ERBB4: variants seen among roughly 807,000 people sequenced by gnomAD.
ERBB4 encodes the protein receptor tyrosine-protein kinase erbB-4.
A neutral mutation model predicts 158.0 loss-of-function variants in ERBB4; 42 were observed. The ratio of observed to expected loss-of-function variants is 0.27; its 90% CI spans 0.21 to 0.34. The LOEUF is 0.34. Ranked by LOEUF, ERBB4 falls within the 10% of genes least tolerant of loss-of-function variation. The pLI, the probability that ERBB4 is intolerant of heterozygous loss-of-function variation, is 1.00. For missense variants in ERBB4, 1,333 were observed against 1,624.1 expected (o/e 0.82, Z 3.08); for synonymous variants, 583 against 558.7 (o/e 1.04, Z -0.61).
intron 2 of ERBB4, among the ~76,000 whole-genome samples, chr2:212,094,234 A>ATAAT: frequency 6.6e-6 from 1 of 151,166 alleles, no homozygotes; most frequent in African/African-American, 2.4e-5. Context: ...GTTTAAAAGA[A>ATAAT]CCTGGCTTTA....
At chr2:212,395,037 G>A (rs2090984399) in intron 1 of ERBB4, among the ~76,000 whole-genome samples, 1 of 152,082 alleles carries the variant, frequency 6.6e-6, no homozygotes, top group South Asian at 2.1e-4. Flanking sequence ...CAGGTTTGCT[G>A]CCAAATTTTA....
At chr2:212,286,598 T>TTTTTTTTTTGTTTTG (rs1559928442) in intron 1 of ERBB4, among the ~76,000 whole-genome samples, 1,201 of 74,384 alleles carry the variant, frequency 0.016, 137 homozygotes, top group East Asian at 0.038. Context: ...TGCTGACTTT[T>TTTTTTTTTTGTTTTG]TTTTTTTTTT....
intron 1 of ERBB4, among the ~76,000 whole-genome samples, chr2:212,371,392 C>T (rs2090080131): frequency 6.6e-6 from 1 of 152,202 alleles, no homozygotes; most frequent in Admixed American, 6.5e-5. Context: ...TTTACAATGT[C>T]AAATACATGC....
intron 2 of ERBB4, among the ~76,000 whole-genome samples, chr2:212,097,506 A>C (rs2078965415): frequency 6.6e-6 from 1 of 152,234 alleles, no homozygotes; most frequent in Non-Finnish European, 1.5e-5. Flanking sequence ...GCTAAGGCAC[A>C]GATATTCAGA....
At chr2:211,947,316 A>C in intron 3 of ERBB4, 114 bp downstream of exon 3, 1 of 842,932 alleles carries the variant, frequency 1.2e-6, no homozygotes, top group East Asian at 2.6e-5. Flanking sequence ...AATCACTGAT[A>C]TTTAAATGCC....
chr2:212,306,074 T>C (rs2086798210), intron 1 of ERBB4, among the ~76,000 whole-genome samples: 1 of 151,440 alleles, frequency 6.6e-6, no homozygotes, highest in Non-Finnish European at 1.5e-5. Flanking sequence ...CACATATACA[T>C]ATATACTGAT....
At chr2:212,530,170 G>A (rs1692674139) in intron 1 of ERBB4, among the ~76,000 whole-genome samples, 2 of 146,306 alleles carry the variant, frequency 1.4e-5, no homozygotes, top group Non-Finnish European at 3.0e-5. Flanking sequence ...CCATAAAGAG[G>A]ATCTTGCAAT....
intron 1 of ERBB4, among the ~76,000 whole-genome samples, chr2:212,174,219 C>T (rs1009162512): frequency 6.6e-6 from 1 of 151,930 alleles, no homozygotes; most frequent in African/African-American, 2.4e-5. Context: ...GATTTTCATA[C>T]TCTCTACATT....
intron 15 of ERBB4, chr2:211,658,036 T>A: frequency 6.9e-7 from 1 of 1,449,560 alleles, no homozygotes; most frequent in East Asian, 2.4e-5. Context: ...GGGGAAAAAA[T>A]TAGTCATTTA....
intron 1 of ERBB4, among the ~76,000 whole-genome samples, chr2:212,140,023 T>C (rs2125602234): frequency 6.6e-6 from 1 of 151,996 alleles, no homozygotes; most frequent in Non-Finnish European, 1.5e-5. Flanking sequence ...AATGTTCATT[T>C]CTTTTCAGAT....
At chr2:212,268,069 C>T (rs1015317852) in intron 1 of ERBB4, among the ~76,000 whole-genome samples, 6 of 151,816 alleles carry the variant, frequency 4.0e-5, no homozygotes, top group African/African-American at 1.4e-4. Context: ...ATGCCTGATG[C>T]AATTTCTAGT....
At chr2:211,952,613 T>C (rs2080903798) in intron 2 of ERBB4, among the ~76,000 whole-genome samples, 1 of 152,122 alleles carries the variant, frequency 6.6e-6, no homozygotes, top group Non-Finnish European at 1.5e-5. Context: ...TGTGGGCTTG[T>C]CTGCCAGGCA....
rs780484276 is a variant in ERBB4, at chr2:211,662,082, A to AG, written c.1871+3240dup. Among the ~76,000 whole-genome samples the AG allele has an allele frequency of 3.3e-3, 407 of 125,064 alleles. 31 individuals carry two copies. The highest frequency in any genetic ancestry group is 5.4e-3 in the Non-Finnish European group (319 of 59,022). The allele number at this position is 125,064 out of a possible 152,430, so 82.0% of individuals were successfully genotyped here. On this transcript the variant is annotated intron_variant, in intron 15 of 27. Coordinates refer to ENST00000342788, the MANE Select transcript of ERBB4 (RefSeq NM_005235.3). Reference sequence around the variant, plus strand: ...AAAAAAAAAAAAAAAAAAAAAAAAAAGATTAAGGTACATGTGACATTTAAT... The same window carrying AG: ...AAAAAAAAAAAAAAAAAAAAAAAAAAGGATTAAGGTACATGTGACATTTAAT...
chr2:212,085,050 A>G (rs1336161459), intron 2 of ERBB4, among the ~76,000 whole-genome samples: 3 of 151,928 alleles, frequency 2.0e-5, no homozygotes, highest in African/African-American at 7.2e-5. Flanking sequence ...CATATAGTGA[A>G]TACAAAATAA....
At position 211,665,368 on chromosome 2, in the gene ERBB4, T is replaced by C. The variant is rs199647352; in HGVS notation, c.1826A>G (p.Asp609Gly). The C allele has an allele frequency of 8.1e-6, 13 of 1,614,068 alleles. No homozygotes were observed. The highest frequency in any genetic ancestry group is 1.1e-5 in the Non-Finnish European group (13 of 1,180,028). ...GCATGGGTGGCACTCCCGATCTGGA[T>C]CAGCATACTTGAAAATGAAACTGTT... is the stretch of plus-strand genomic sequence containing the variant. The part of the protein sequence containing the change: ...GANSFIFKYA[D>G]PDRECHPCHP... The change falls in exon 15 of 28, where the codon GAT becomes GGT. Residue 609 changes from aspartate to glycine, a missense_variant. Asp to Gly is a moderately conservative substitution (Grantham distance 94). Around this residue, in one of 5 missense-constraint regions of ERBB4, gnomAD observed 245 missense variants for 247.5 expected, o/e 0.99. Transcript: ENST00000342788.
intron 1 of ERBB4, among the ~76,000 whole-genome samples, chr2:212,231,683 G>T (rs1017812153): frequency 6.6e-6 from 1 of 152,152 alleles, no homozygotes; most frequent in African/African-American, 2.4e-5. Flanking sequence ...AATTAGGATA[G>T]ATAAGACCCA....
intron 19 of ERBB4, among the ~76,000 whole-genome samples, chr2:211,598,704 T>G (rs1473876888): frequency 6.6e-6 from 1 of 152,362 alleles, no homozygotes; most frequent in Non-Finnish European, 1.5e-5. Context: ...GTATAGACTT[T>G]ATATTAAATT....
At chr2:211,548,182 A>G (rs1358955176) in intron 20 of ERBB4, among the ~76,000 whole-genome samples, 1 of 151,990 alleles carries the variant, frequency 6.6e-6, no homozygotes, top group Non-Finnish European at 1.5e-5. Context: ...GGCAATGAAA[A>G]TTTGGCGCAT....
At chr2:212,468,858 T>C (rs908389254) in intron 1 of ERBB4, among the ~76,000 whole-genome samples, 3 of 152,234 alleles carry the variant, frequency 2.0e-5, no homozygotes, top group Non-Finnish European at 4.4e-5. Flanking sequence ...ACAGGATATA[T>C]TTCCTTTATA....
Sources: allele counts gnomAD v4.1 joint callset (sites outside exome capture counted in the v4.1 genomes callset), GRCh38; gene constraint gnomAD v4.1.1; regional missense constraint gnomAD v4.1.1; transcripts MANE v1.5; gene names NCBI Gene and HGNC (gene_info 2026-07-23, HGNC 2026-07-21).